Variants in ANKRD18B observed in about 807,000 individuals in gnomAD.
ANKRD18B encodes ankyrin repeat domain-containing protein 18B.
In ANKRD18B, 75 loss-of-function variants were observed where a neutral mutation model predicts 111.8. The observed-to-expected ratio is 0.67, with a 90% CI of 0.56 to 0.81. ANKRD18B has a LOEUF of 0.81. Among genes scored for constraint, ANKRD18B ranks in the 40% least tolerant of loss-of-function variants. ANKRD18B has a pLI of 0.00. For synonymous variants in ANKRD18B, 356 were observed against 417.3 expected, an observed-to-expected ratio of 0.85 and a Z score of 1.79; for missense variants, 1,038 against 1,225.5, an observed-to-expected ratio of 0.85 and a Z score of 2.28.
rs755743273 is a variant in ANKRD18B, at chr9:33,568,773, A to C, written c.3057A>C (p.Leu1019Phe). ...STLPMRPDPE[L>F]PCVENLNSIE... The stretch of plus-strand genomic sequence containing the variant: ...TTCCTATGAGGCCAGACCCAGAGTT[A>C]CCTTGTGTTGAAAATCTTAATAGTA... Residue 1019 changes from leucine (L) to phenylalanine (F), a missense_variant, in exon 17 of 19, where the codon TTA (leucine) becomes TTC (phenylalanine). By Grantham distance (22) the Leu-to-Phe change is conservative. This residue lies in a region of ANKRD18B where 524 missense variants were observed against 677.9 expected (regional missense o/e 0.77). Transcript: ENST00000684830. 1 of 1,551,442 alleles carries C rather than the reference A, an allele frequency of 6.4e-7. No homozygotes were observed. Among genetic ancestry groups the C allele is most frequent in the South Asian group, 1.2e-5 (1 of 84,034 alleles).
chr9:33,552,407 G>A (rs1287140315), intron 12 of ANKRD18B, among the ~76,000 whole-genome samples: 1 of 152,244 alleles, frequency 6.6e-6, no homozygotes, highest in Non-Finnish European at 1.5e-5. Flanking sequence ...GCGCTCAGCA[G>A]AGTACTCGTG....
chr9:33,528,823 C>G lies in ANKRD18B; in HGVS notation c.303C>G (p.Asn101Lys). The G allele has an allele frequency of 6.2e-7, 1 of 1,609,670 alleles. No homozygotes were observed. Among genetic ancestry groups the G allele is most frequent in the Non-Finnish European group, 8.5e-7 (1 of 1,177,668 alleles). Residue 101 changes from asparagine to lysine, a missense_variant, in exon 2 of 19, where the codon AAC becomes AAG. Physicochemically the swap from Asn to Lys is moderately conservative, Grantham distance 94. Around this residue, in one of 4 missense-constraint regions of ANKRD18B, gnomAD observed 216 missense variants for 205.1 expected, o/e 1.05. Coordinates refer to ENST00000684830, the MANE Select transcript of ANKRD18B (RefSeq NM_001393611.1). ...AGATCAACATCTGTGACAGACTAAACAGGACACCTTTAATGAAGGTATATA... is the reference window on the plus strand; with the variant it reads ...AGATCAACATCTGTGACAGACTAAAGAGGACACCTTTAATGAAGGTATATA... ...KCQINICDRL[N>K]RTPLMKAVHC... is the part of the protein sequence containing the mutation.
intron 3 of ANKRD18B, among the ~76,000 whole-genome samples, chr9:33,530,927 C>G (rs1222579692): frequency 6.6e-6 from 1 of 152,162 alleles, no homozygotes; most frequent in Non-Finnish European, 1.5e-5. Flanking sequence ...GATTATGTAT[C>G]AACAAATGTT....
intron 12 of ANKRD18B, among the ~76,000 whole-genome samples, chr9:33,552,065 C>T (rs957704933): frequency 2.0e-5 from 3 of 152,196 alleles, no homozygotes; most frequent in African/African-American, 7.2e-5. Flanking sequence ...GTCACCTATC[C>T]TTGTATAAAT....
intron 3 of ANKRD18B, among the ~76,000 whole-genome samples, chr9:33,531,059 CGGG>C (rs1334342151): frequency 7.2e-5 from 11 of 152,024 alleles, no homozygotes; most frequent in African/African-American, 2.7e-4. Context: ...TTGGCATTAT[CGGG>C]ATGTCAGTTT....
At chr9:33,555,898 A>G in intron 13 of ANKRD18B, 78 bp downstream of exon 13, 4 of 954,136 alleles carry the variant, frequency 4.2e-6, no homozygotes, top group Non-Finnish European at 5.7e-6. Flanking sequence ...TAAAACTTTG[A>G]TACAAATTCA....
At chr9:33,574,700 G>A (rs1828835330), downstream of ANKRD18B, 1 of 152,760 alleles carries the variant, frequency 6.5e-6, no homozygotes, top group African/African-American at 2.4e-5. Flanking sequence ...GGAGCAGCTA[G>A]GCCTGGCCAG....
Position 33,563,561 on chromosome 9 carries a change from T to C in ANKRD18B, c.2461-2658T>C, listed in dbSNP as rs539166005. 2.8e-4 allele frequency among the ~76,000 whole-genome samples: 42 copies of C among 150,650 alleles called. No homozygotes were observed. The South Asian group carries it at 7.3e-3, about 26-fold the overall frequency. ...ATAGGGAAGCTACATGGTATCCCTT[T>C]TACTGCATTCTATTCATTAGGAGAA... is the stretch of plus-strand genomic sequence containing the variant. On this transcript the variant is annotated intron_variant, in intron 14 of 18. Transcript: ENST00000684830.
At position 33,568,823 on chromosome 9, in the gene ANKRD18B, C is replaced by G; in HGVS notation, c.3107C>G (p.Pro1036Arg). 1 of 1,551,314 alleles carries G rather than the reference C, an allele frequency of 6.4e-7. No homozygotes were observed. Residue 1036 changes from proline (P) to arginine (R), a missense_variant, in exon 17 of 19, where the codon CCC (proline) becomes CGC (arginine). Coordinates refer to ENST00000684830, the MANE Select transcript of ANKRD18B (RefSeq NM_001393611.1). The stretch of plus-strand genomic sequence containing the variant: ...ATAGAACTCAACAGAAAATATATTC[C>G]CAAAATGGCCATAAGAATTCCTACT... ...NSIELNRKYI[P>R]KMAIRIPTSN...
At position 33,526,936 on chromosome 9, in the gene ANKRD18B, C is replaced by G. The variant is rs1828032961; in HGVS notation, c.207-1791C>G. Among the ~76,000 whole-genome samples the G allele has an allele frequency of 2.0e-5, 3 of 152,174 alleles. No homozygotes were observed. The South Asian group carries it at 6.2e-4, about 32-fold the overall frequency. ...GCTCCCCAACTGTATTCTATCAATCCATTTATTCATCAAACATAACCTGAA... is the reference window on the plus strand; with the variant it reads ...GCTCCCCAACTGTATTCTATCAATCGATTTATTCATCAAACATAACCTGAA... On this transcript the variant is annotated intron_variant, in intron 1 of 18. Transcript: ENST00000684830.
At position 33,572,387 on chromosome 9, in the gene ANKRD18B, A is replaced by T. The variant is rs749649472; in HGVS notation, c.3295A>T (p.Lys1099Ter). 1.1e-5 allele frequency: 18 copies of T among 1,604,894 alleles called. No individual in the cohort carries two copies. Among genetic ancestry groups the T allele is most frequent in the Non-Finnish European group, 1.2e-5 (14 of 1,175,808 alleles). The stretch of plus-strand genomic sequence containing the variant: ...ATCCACTGGTAAGCCACATCTAATG[A>T]AGAGAATATTTAACCATAAAATCTT... ...LESTGKPHLM[K>*]RIFNHKILRK... is the part of the protein sequence containing the mutation. The change falls in exon 19 of 19, where the codon AAG becomes TAG. Residue 1099 changes from lysine (K) to a stop codon, truncating the protein, a stop_gained. Transcript: ENST00000684830. LOFTEE classifies it low-confidence loss of function (END_TRUNC).
rs1281202358 is a variant in ANKRD18B, at chr9:33,543,188, A to G, written c.1082A>G (p.His361Arg). The change falls in exon 10 of 19, where the codon CAC (histidine) becomes CGC (arginine). Residue 361 changes from histidine (H) to arginine (R), a missense_variant. This residue lies in a region of ANKRD18B where 205 missense variants were observed against 201.3 expected (regional missense o/e 1.02). Transcript: ENST00000684830. ...LKKRKEGAKE[H>R]NLKVASEEKQ... ...AAACATATGGATTTGTCAGCAGAACACAACTTAAAAGTGGCTTCAGAGGAA... is the reference window on the plus strand; with the variant it reads ...AAACATATGGATTTGTCAGCAGAACGCAACTTAAAAGTGGCTTCAGAGGAA... The G allele has an allele frequency of 1.3e-6, 2 of 1,551,540 alleles. No individual in the cohort carries two copies. Among genetic ancestry groups the G allele is most frequent in the Middle Eastern group, 1.7e-4 (1 of 5,976 alleles).
intron 5 of ANKRD18B, among the ~76,000 whole-genome samples, chr9:33,536,424 GA>G (rs1170803558): frequency 1.1e-4 from 17 of 152,186 alleles, no homozygotes; most frequent in African/African-American, 3.4e-4. Context: ...TGCAGTTCAA[GA>G]ATAAATTTTT....
Position 33,566,322 on chromosome 9 carries a change from T to C in ANKRD18B, c.2564T>C (p.Val855Ala), listed in dbSNP as rs1828682760. 16 of 1,563,556 alleles carry C rather than the reference T, an allele frequency of 1.0e-5. No homozygotes were observed. Among genetic ancestry groups the C allele is most frequent in the Non-Finnish European group, 1.2e-5 (14 of 1,151,454 alleles). ...LHQELLSMGKVQEKCEKLEKD... is the reference protein window; with the variant it reads ...LHQELLSMGKAQEKCEKLEKD... ...CAGGAGTTATTATCTATGGGAAAAG[T>C]ACAAGAGAAATGTGAAAAACTTGAG... Residue 855 changes from valine to alanine, a missense_variant, in exon 15 of 19, where the codon GTA (valine) becomes GCA (alanine). By Grantham distance (64) the Val-to-Ala change is moderately conservative (BLOSUM62 0). Coordinates refer to ENST00000684830, the MANE Select transcript of ANKRD18B (RefSeq NM_001393611.1).
chr9:33,557,847 T>C (rs927458616), intron 13 of ANKRD18B, among the ~76,000 whole-genome samples: 1 of 152,088 alleles, frequency 6.6e-6, no homozygotes, highest in African/African-American at 2.4e-5. Flanking sequence ...TCACTTTACC[T>C]GCTATATATA....
At chr9:33,563,237 A>G (rs1325904148) in intron 14 of ANKRD18B, among the ~76,000 whole-genome samples, 1 of 152,112 alleles carries the variant, frequency 6.6e-6, no homozygotes, top group East Asian at 1.9e-4. Context: ...TTTTCTAACA[A>G]TTACCCAGAG....
chr9:33,528,027 C>T (rs1027894933), intron 1 of ANKRD18B, among the ~76,000 whole-genome samples: 4 of 152,158 alleles, frequency 2.6e-5, no homozygotes, highest in Admixed American at 2.0e-4. Flanking sequence ...TGGCTGGGTG[C>T]GTGGCTCACA....
At chr9:33,568,496 G>A (rs892642716) in intron 16 of ANKRD18B, among the ~76,000 whole-genome samples, 175 bp from the exon 17 acceptor site, 2 of 152,168 alleles carry the variant, frequency 1.3e-5, no homozygotes, top group Admixed American at 1.3e-4. Flanking sequence ...TATTTAGAAT[G>A]ATTTTAAAAT....
chr9:33,568,741 A>T lies in ANKRD18B; in HGVS notation c.3025A>T (p.Ser1009Cys). ...MEKERMEYFL[S>C]TLPMRPDPEL... Reference sequence around the variant, plus strand: ...GAAAGAGCGGATGGAATATTTTCTCAGCACTCTTCCTATGAGGCCAGACCC... The same window carrying T: ...GAAAGAGCGGATGGAATATTTTCTCTGCACTCTTCCTATGAGGCCAGACCC... Residue 1009 changes from serine to cysteine, a missense_variant, in exon 17 of 19, where the codon AGC (serine) becomes TGC (cysteine). By Grantham distance (112) the Ser-to-Cys change is moderately radical. Coordinates refer to ENST00000684830, the MANE Select transcript of ANKRD18B (RefSeq NM_001393611.1). 1.3e-6 allele frequency: 2 copies of T among 1,551,430 alleles called. No homozygotes were observed.
Sources: gnomAD v4.1 joint callset for allele counts (sites outside exome capture counted in the v4.1 genomes callset) on GRCh38, gnomAD v4.1.1 for gene constraint, gnomAD v4.1.1 regional missense constraint, MANE v1.5 for transcripts, NCBI Gene and HGNC (gene_info 2026-07-23, HGNC 2026-07-21) for gene names.